Variants in SLX4 observed in about 807,000 individuals in gnomAD.
SLX4 encodes the protein structure-specific endonuclease subunit SLX4.
SLX4 carries 112 observed loss-of-function variants against 146.2 expected under a neutral mutation model. The ratio of observed to expected loss-of-function variants is 0.77; its 90% CI spans 0.66 to 0.90. SLX4 has a LOEUF of 0.90. Ranked by LOEUF, SLX4 falls within the 40% of genes least tolerant of loss-of-function variation. SLX4 has a pLI of 0.00. For synonymous variants in SLX4, 1,061 were observed against 997.7 expected, an observed-to-expected ratio of 1.06 and a Z score of -1.20; for missense variants, 2,563 against 2,392.7, an observed-to-expected ratio of 1.07 and a Z score of -1.49.
At chr16:3,594,089 G>C (rs552639443) in intron 10 of SLX4, among the ~76,000 whole-genome samples, 3 of 152,170 alleles carry the variant, frequency 2.0e-5, no homozygotes, top group African/African-American at 7.2e-5. Flanking sequence ...GGATGGTCTT[G>C]ATCTCCTGAC....
At position 3,589,170 on chromosome 16, in the gene SLX4, C is replaced by T. The variant is rs1378182049; in HGVS notation, c.4468G>A (p.Glu1490Lys). 1 of 1,614,170 alleles carries T rather than the reference C, an allele frequency of 6.2e-7. No homozygotes were observed. Among genetic ancestry groups the T allele is most frequent in the East Asian group, 2.2e-5 (1 of 44,880 alleles). The stretch of plus-strand genomic sequence containing the variant: ...AGGGAGCCCGCGCCCGAGGACTTCT[C>T]TTGCAATTTCCTCTGGGTAGTGCAG... ...GSCTTQRKLQ[E>K]KSSGAGSLGN... The change falls in exon 12 of 15, where the codon GAG (glutamate) becomes AAG (lysine). Residue 1490 changes from glutamate to lysine, a missense_variant. Transcript: ENST00000294008. The surrounding 1 kb of genome is among the most constrained non-coding windows in gnomAD (Gnocchi z 6.2).
At position 3,590,177 on chromosome 16, in the gene SLX4, A is replaced by G; in HGVS notation, c.3461T>C (p.Leu1154Ser). Residue 1154 changes from leucine to serine, a missense_variant, in exon 12 of 15, where the codon TTA becomes TCA. By Grantham distance (145) the Leu-to-Ser change is moderately radical (BLOSUM62 -2). Transcript: ENST00000294008. This position sits in a 1 kb window ranked among gnomAD's most constrained non-coding sequence, Gnocchi z 4.8. ...KLNEEDEVIL[L>S]LDSDEELELE... ...CTCCAGCTCCTCATCCGAGTCCAGT[A>G]AGAGGATGACCTCATCTTCTTCGTT... is the stretch of plus-strand genomic sequence containing the variant. 7 of 1,614,212 alleles carry G rather than the reference A, an allele frequency of 4.3e-6. No individual in the cohort carries two copies. Among genetic ancestry groups the G allele is most frequent in the Non-Finnish European group, 5.9e-6 (7 of 1,180,040 alleles).
At chr16:3,584,931 A>T (rs774297101) in intron 12 of SLX4, 60 bp from the exon 13 acceptor site, 1 of 1,188,510 alleles carries the variant, frequency 8.4e-7, no homozygotes, top group Non-Finnish European at 1.3e-6. Context: ...CCCACATCTG[A>T]TCCCAGTAGC....
At chr16:3,605,864 G>A (rs907527235) in intron 3 of SLX4, among the ~76,000 whole-genome samples, 2 of 147,744 alleles carry the variant, frequency 1.4e-5, no homozygotes, top group Non-Finnish European at 3.0e-5. Context: ...GGAGAATGGC[G>A]TGAACCTGGG....
At chr16:3,586,432 G>A (rs1481284450) in intron 12 of SLX4, among the ~76,000 whole-genome samples, 1 of 151,932 alleles carries the variant, frequency 6.6e-6, no homozygotes. Context: ...GAGGTGGGAG[G>A]ATCACTTGAG....
intron 1 of SLX4, among the ~76,000 whole-genome samples, chr16:3,611,350 C>A (rs571005004): frequency 6.6e-6 from 1 of 152,256 alleles, no homozygotes; most frequent in African/African-American, 2.4e-5. Context: ...ATCCGCCACC[C>A]TCCTCCCTCC....
rs112205823 is a variant in SLX4 at position 3,608,707 on chromosome 16, T to C, written c.258A>G (p.Ile86Met). ...TQKAASNGTQ[I>M]RSKLKRTKQT... ...GTTTGGTCCTTTTCAATTTGCTTCT[T>C]ATCTGAGTGCCGTTTGAGGCAGCCT... Residue 86 changes from isoleucine (I) to methionine (M), a missense_variant, in exon 2 of 15, where the codon ATA (isoleucine) becomes ATG (methionine). Ile to Met is a conservative substitution (Grantham distance 10). Transcript: ENST00000294008. The C allele has an allele frequency of 1.4e-5, 23 of 1,614,266 alleles. No individual in the cohort carries two copies. The African/African-American group carries it at 2.4e-4, about 17-fold the overall frequency.
At chr16:3,584,140 C>T (rs1596516258) in intron 13 of SLX4, among the ~76,000 whole-genome samples, 2 of 152,290 alleles carry the variant, frequency 1.3e-5, no homozygotes, top group African/African-American at 4.8e-5. Flanking sequence ...AATCAGGCCT[C>T]CGCCGGGCAC....
intron 1 of SLX4, among the ~76,000 whole-genome samples, chr16:3,611,094 G>A (rs185407236): frequency 3.4e-3 from 515 of 152,360 alleles, no homozygotes; most frequent in Non-Finnish European, 4.1e-3. Context: ...GTTTCCAGAG[G>A]GAAGGGGACT....
rs1236373392 is a variant in SLX4, at chr16:3,594,366, T to C, written c.2160+87A>G. ...AGAGTGGGGGGGTGGAAAGGGCACC[T>C]GAGACATGGGAAGACCTGGTTGGAG... On this transcript the variant is annotated intron_variant, in intron 10 of 14. Transcript: ENST00000294008. The C allele has an allele frequency of 3.2e-6, 5 of 1,541,406 alleles. No individual in the cohort carries two copies. The East Asian group carries it at 9.7e-5, about 30-fold the overall frequency.
rs775596938 is a variant in SLX4 at position 3,596,311 on chromosome 16, C to A, written c.1766G>T (p.Gly589Val). The A allele has an allele frequency of 2.1e-5, 33 of 1,577,460 alleles. No individual in the cohort carries two copies. The highest frequency in any genetic ancestry group is 2.6e-5 in the Non-Finnish European group (30 of 1,162,214). ...LSERRSPALH[G>V]TPTAGCGSRG... ...GGAGCCACAGCCTGCAGTGGGGGTG[C>A]CGTGGAGAGCGGGTGACCTTCGCTC... The change falls in exon 8 of 15, where the codon GGC becomes GTC. Residue 589 changes from glycine to valine, a missense_variant. Physicochemically the swap from Gly to Val is moderately radical, Grantham distance 109. Transcript: ENST00000294008.
At chr16:3,596,744 A>T (rs995954227) in intron 7 of SLX4, among the ~76,000 whole-genome samples, 1 of 151,618 alleles carries the variant, frequency 6.6e-6, no homozygotes, top group African/African-American at 2.4e-5. Flanking sequence ...TACCTGCCGC[A>T]CGACTGTCTG....
rs542981864 is a variant in SLX4 at position 3,582,483 on chromosome 16, G to T, written c.5364C>A (p.Asn1788Lys). 9.9e-6 allele frequency: 16 copies of T among 1,613,904 alleles called. No homozygotes were observed. The South Asian group carries it at 1.4e-4, about 14-fold the overall frequency. ...LRELQAELRQ[N>K]GLRVSSRRLL... is the part of the protein sequence containing the mutation. ...GCCTGCGCGAGGACACACGGAGGCC[G>T]TTCTGCCTCAGCTCTGCCTGCAGCT... is the stretch of plus-strand genomic sequence containing the variant. Residue 1788 changes from asparagine to lysine, a missense_variant, in exon 15 of 15, where the codon AAC becomes AAA. Coordinates refer to ENST00000294008, the MANE Select transcript of SLX4 (RefSeq NM_032444.4).
Position 3,589,097 on chromosome 16 carries a change from C to T in SLX4, c.4541G>A (p.Trp1514Ter), listed in dbSNP as rs867435969. The T allele has an allele frequency of 3.7e-6, 6 of 1,614,152 alleles. No individual in the cohort carries two copies. Among genetic ancestry groups the T allele is most frequent in the Non-Finnish European group, 5.1e-6 (6 of 1,180,050 alleles). The change falls in exon 12 of 15, where the codon TGG (tryptophan) becomes TAG (stop). Residue 1514 changes from tryptophan (W) to a stop codon, truncating the protein, a stop_gained. Transcript: ENST00000294008. LOFTEE classifies it high-confidence loss of function. This position sits in a 1 kb window ranked among gnomAD's most constrained non-coding sequence, Gnocchi z 6.2. ...SFLNSALWDV[W>*]DGEEQRPPET... ...TGGAGGCCTCTGCTCTTCCCCGTCC[C>T]AAACGTCCCACAGAGCCGAATTCAG...
intron 11 of SLX4, 117 bp from the exon 12 acceptor site, chr16:3,591,427 G>A (rs1455566996): frequency 1.4e-6 from 2 of 1,448,690 alleles, no homozygotes; most frequent in Non-Finnish European, 1.9e-6. Context: ...CATGACCCAG[G>A]CCCTGCTTCC....
chr16:3,582,825 C>G (rs1488005248), intron 14 of SLX4, 132 bp from the exon 15 acceptor site: 1 of 922,848 alleles, frequency 1.1e-6, no homozygotes, highest in East Asian at 2.6e-5. Context: ...CCCAGCAAGG[C>G]AGGACGGGCC....
intron 13 of SLX4, among the ~76,000 whole-genome samples, chr16:3,584,188 C>A (rs1323435702): frequency 1.3e-5 from 2 of 151,968 alleles, no homozygotes; most frequent in Non-Finnish European, 2.9e-5. Context: ...TTTGGGAAGC[C>A]GAGGCGGGTG....
chr16:3,590,015 G>C lies in SLX4; in HGVS notation c.3623C>G (p.Pro1208Arg). 1 of 1,614,096 alleles carries C rather than the reference G, an allele frequency of 6.2e-7. No individual in the cohort carries two copies. Among genetic ancestry groups the C allele is most frequent in the Middle Eastern group, 1.6e-4 (1 of 6,062 alleles). ...CTGCTGCAGCACAGCTTCGCTTCTT[G>C]GTGGGCTCTGGGAAGGTTCCTGATC... ...DADQEPSQSP[P>R]RSEAVLQQED... The change falls in exon 12 of 15, where the codon CCA becomes CGA. Residue 1208 changes from proline (P) to arginine (R), a missense_variant. Transcript: ENST00000294008. The surrounding 1 kb of genome is among the most constrained non-coding windows in gnomAD (Gnocchi z 4.8).
In SLX4 at chr16:3,597,478, G is replaced by A. The variant is rs139865448; in HGVS notation, c.1584C>T (p.Ser528=). ...TCAGTGCGCTGCCCTCCCACAGAAA[G>A]CTCTGCTTGCGTTCAGGTGGAGGAG... The part of the protein sequence containing the change: ...QCPPPPERKQ[S]FLWEGSALTG... Residue 528 remains serine (S), a synonymous_variant, in exon 7 of 15, where the codon AGC becomes AGT. Coordinates refer to ENST00000294008, the MANE Select transcript of SLX4 (RefSeq NM_032444.4). This position sits in a 1 kb window ranked among gnomAD's most constrained non-coding sequence, Gnocchi z 4.4. 2.5e-6 allele frequency: 4 copies of A among 1,613,970 alleles called. No homozygotes were observed. The highest frequency in any genetic ancestry group is 3.4e-6 in the Non-Finnish European group (4 of 1,180,008).
Sources: gnomAD v4.1 joint callset for allele counts (sites outside exome capture counted in the v4.1 genomes callset) on GRCh38, gnomAD v4.1.1 for gene constraint, Gnocchi (gnomAD v3.1) non-coding constraint, MANE v1.5 for transcripts, NCBI Gene and HGNC (gene_info 2026-07-23, HGNC 2026-07-21) for gene names.